Variants in ENDOD1 observed in about 807,000 individuals in gnomAD.
The protein encoded by ENDOD1 is endonuclease domain containing 1, also known as endonuclease domain-containing 1 protein.
In ENDOD1, 9 loss-of-function variants were observed where a neutral mutation model predicts 6.5. The ratio of observed to expected loss-of-function variants is 1.39; its 90% CI spans 0.84 to 2.43. The LOEUF is 2.43. ENDOD1 is among the 30% of genes most tolerant of loss of function. ENDOD1 has a pLI of 0.00. For synonymous variants in ENDOD1, 255 were observed against 255.2 expected (o/e 1.00, Z 0.01); for missense variants, 648 against 635.5 (o/e 1.02, Z -0.21).
At position 95,108,494 on chromosome 11, in the gene ENDOD1, A is replaced by AACACACACACACACACAC. The variant is rs34439162; in HGVS notation, c.300+18283_300+18300dup. Among the ~76,000 whole-genome samples the AACACACACACACACACAC allele has an allele frequency of 6.3e-3, 923 of 146,482 alleles. 3 individuals are homozygous for AACACACACACACACACAC. Among genetic ancestry groups the AACACACACACACACACAC allele is most frequent in the African/African-American group, 0.019 (740 of 39,184 alleles). Reference sequence around the variant, plus strand: ...AAAAGCTCTGCATTTCTCTTTTCTAAACACACACACACACACACACACACA... The same window carrying AACACACACACACACACAC: ...AAAAGCTCTGCATTTCTCTTTTCTAAACACACACACACACACACACACACACACACACACACACACACA... On this transcript the variant is annotated intron_variant, in intron 1 of 1. Transcript: ENST00000278505.
Position 95,129,430 on chromosome 11 carries a change from T to A in ENDOD1, c.1354T>A (p.Cys452Ser). Residue 452 changes from cysteine to serine, a missense_variant, in exon 2 of 2, where the codon TGC becomes AGC. Physicochemically the swap from Cys to Ser is moderately radical, Grantham distance 112. Transcript: ENST00000278505. ...CACCATGGGCGCTATTCCAATTGTT[T>A]GCAAGGACATTGCACTGGGCCTTGG... ...VYTMGAIPIV[C>S]KDIALGLGGT... 2 of 1,614,238 alleles carry A rather than the reference T, an allele frequency of 1.2e-6. No individual in the cohort carries two copies. The highest frequency in any genetic ancestry group is 1.7e-6 in the Non-Finnish European group (2 of 1,180,044).
At chr11:95,107,763 C>A (rs1398001269) in intron 1 of ENDOD1, among the ~76,000 whole-genome samples, 1 of 152,100 alleles carries the variant, frequency 6.6e-6, no homozygotes, top group East Asian at 1.9e-4. Flanking sequence ...CGGGTTCAAG[C>A]GATTCTCCTG....
At chr11:95,093,589 AATG>A (rs1858952192) in intron 1 of ENDOD1, among the ~76,000 whole-genome samples, 1 of 152,198 alleles carries the variant, frequency 6.6e-6, no homozygotes, top group African/African-American at 2.4e-5. Flanking sequence ...GCCCTTGAGG[AATG>A]ATGATTGCAT....
At chr11:95,126,559 C>T (rs975319543) in intron 1 of ENDOD1, among the ~76,000 whole-genome samples, 3 of 152,186 alleles carry the variant, frequency 2.0e-5, no homozygotes, top group African/African-American at 7.2e-5. Flanking sequence ...CAAAAGTTTT[C>T]CTTACATACT....
At chr11:95,127,139 A>G (rs910591520) in intron 1 of ENDOD1, among the ~76,000 whole-genome samples, 1 of 152,214 alleles carries the variant, frequency 6.6e-6, no homozygotes, top group African/African-American at 2.4e-5. Context: ...ATGCCTTGAG[A>G]TTCTAGTATG....
intron 1 of ENDOD1, among the ~76,000 whole-genome samples, chr11:95,106,533 A>C (rs1212572272): frequency 3.3e-5 from 5 of 152,210 alleles, no homozygotes; most frequent in African/African-American, 1.2e-4. Flanking sequence ...GTGTTAGAGT[A>C]GTGAAATGTT....
At chr11:95,107,287 T>TC (rs1337474549) in intron 1 of ENDOD1, among the ~76,000 whole-genome samples, 2 of 147,184 alleles carry the variant, frequency 1.4e-5, no homozygotes, top group East Asian at 4.1e-4. Flanking sequence ...TGAGCAGAGA[T>TC]CGGGACACTA....
intron 1 of ENDOD1, among the ~76,000 whole-genome samples, chr11:95,099,620 C>T (rs920890102): frequency 2.0e-5 from 3 of 152,236 alleles, no homozygotes; most frequent in South Asian, 2.1e-4. Flanking sequence ...GTAAGTCCTA[C>T]TTTGGGACAA....
chr11:95,103,307 T>G (rs117742603), intron 1 of ENDOD1, among the ~76,000 whole-genome samples: 515 of 152,304 alleles, frequency 3.4e-3, no homozygotes, highest in Non-Finnish European at 5.4e-3. Context: ...TCACCTTGTT[T>G]ATTTGTTTGC....
chr11:95,103,100 GGT>G (rs1200141222), intron 1 of ENDOD1, among the ~76,000 whole-genome samples: 2,884 of 85,550 alleles, frequency 0.034, 48 homozygotes, highest in Middle Eastern at 0.062. Flanking sequence ...AGGCAGAGTG[GGT>G]GTGTGTGTGT....
chr11:95,098,515 A>G (rs1859008069), intron 1 of ENDOD1, among the ~76,000 whole-genome samples: 1 of 152,202 alleles, frequency 6.6e-6, no homozygotes, highest in African/African-American at 2.4e-5. Flanking sequence ...TTAATTCATC[A>G]CATTAAATAT....
intron 1 of ENDOD1, among the ~76,000 whole-genome samples, chr11:95,096,975 C>A (rs1392174474): frequency 6.6e-6 from 1 of 152,076 alleles, no homozygotes; most frequent in East Asian, 1.9e-4. Context: ...CCAGCCTGGG[C>A]AACATGGCAA....
chr11:95,131,240 A>C lies in ENDOD1; in HGVS notation c.*1661A>C, dbSNP rs955445332. 3.9e-5 allele frequency: 6 copies of C among 152,196 alleles called. No homozygotes were observed. Among genetic ancestry groups the C allele is most frequent in the African/African-American group, 1.4e-4 (6 of 41,434 alleles). The allele number at this position is 152,196 out of a possible 1,614,324, so 9.4% of individuals were successfully genotyped here. A position where few individuals can be genotyped will look rare whatever the true frequency, so the allele number is the denominator to read the frequency against. On this transcript the variant is annotated 3_prime_UTR_variant, in exon 2 of 2. Transcript: ENST00000278505. The stretch of plus-strand genomic sequence containing the variant: ...GCACCAGGCTTAGCTAAGAAACTTA[A>C]AGCAGTATTTTACCAACTCTTGTCT...
At chr11:95,109,296 A>G (rs1369146545) in intron 1 of ENDOD1, among the ~76,000 whole-genome samples, 1 of 152,206 alleles carries the variant, frequency 6.6e-6, no homozygotes, top group Non-Finnish European at 1.5e-5. Context: ...AGAGTTTAAT[A>G]ACCACTTTGA....
intron 1 of ENDOD1, among the ~76,000 whole-genome samples, chr11:95,090,977 A>AG (rs34969142): frequency 0.45 from 68,122 of 151,972 alleles, 15,880 homozygotes; most frequent in Non-Finnish European, 0.52. Flanking sequence ...TGGAAAGATA[A>AG]GCCAGTTTTT....
At chr11:95,095,043 G>GCACACACACACACACA (rs56010766) in intron 1 of ENDOD1, among the ~76,000 whole-genome samples, 1 of 147,902 alleles carries the variant, frequency 6.8e-6, no homozygotes, top group African/African-American at 2.4e-5. Context: ...GCGTGTGCAC[G>GCACACACACACACACA]CACACACACA....
intron 1 of ENDOD1, among the ~76,000 whole-genome samples, chr11:95,109,897 C>T (rs534180959): frequency 6.6e-6 from 1 of 152,382 alleles, no homozygotes; most frequent in East Asian, 1.9e-4. Flanking sequence ...GTACTTCAAT[C>T]TGTTTGCAGG....
At chr11:95,115,704 G>GTTGAAT (rs1298866853) in intron 1 of ENDOD1, among the ~76,000 whole-genome samples, 5 of 152,034 alleles carry the variant, frequency 3.3e-5, no homozygotes, top group African/African-American at 1.2e-4. Flanking sequence ...GTGAAGAGAT[G>GTTGAAT]TTGAATTCTA....
chr11:95,117,140 T>C (rs1285463459), intron 1 of ENDOD1, among the ~76,000 whole-genome samples: 1 of 152,264 alleles, frequency 6.6e-6, no homozygotes. Context: ...TTGGGCACGG[T>C]GGCTCATGCC....
Sources: allele counts gnomAD v4.1 joint callset (sites outside exome capture counted in the v4.1 genomes callset), GRCh38; gene constraint gnomAD v4.1.1; transcripts MANE v1.5; gene names NCBI Gene and HGNC (gene_info 2026-07-23, HGNC 2026-07-21).